NRXN1: variants seen among roughly 807,000 people sequenced by gnomAD.
The protein encoded by NRXN1 is neurexin-1.
Under a neutral mutation model 150.9 loss-of-function variants are expected in NRXN1, and 39 were observed. That is an observed-to-expected ratio of 0.26 (90% CI 0.20 to 0.34). The LOEUF (loss-of-function observed/expected upper bound fraction) is 0.34, where lower values mean the gene tolerates loss of function less well. Ranked by LOEUF, NRXN1 falls within the 10% of genes least tolerant of loss-of-function variation. NRXN1 has a pLI of 1.00. For synonymous variants in NRXN1, 924 were observed against 757.0 expected (o/e 1.22, Z -3.62); for missense variants, 1,815 against 1,949.9 (o/e 0.93, Z 1.30).
At chr2:50,694,648 G>T (rs929466488) in intron 5 of NRXN1, among the ~76,000 whole-genome samples, 25 of 152,216 alleles carry the variant, frequency 1.6e-4, no homozygotes, top group African/African-American at 5.5e-4. Context: ...GTAGGGAAAA[G>T]AAAATCAAAC....
At position 50,203,833 on chromosome 2, in the gene NRXN1, C is replaced by G. The variant is rs375965626; in HGVS notation, c.3546+32956G>C. 1.3e-4 allele frequency among the ~76,000 whole-genome samples: 20 copies of G among 152,150 alleles called. No individual in the cohort carries two copies. In the South Asian group the frequency reaches 3.5e-3, roughly 27 times the overall value. On this transcript the variant is annotated intron_variant, in intron 18 of 22. Transcript: ENST00000401669. ...TTTTTTCTTAGAGCTGAAAACTGTTCAACAGCTTTATCGTATTAAATTAGG... is the reference window on the plus strand; with the variant it reads ...TTTTTTCTTAGAGCTGAAAACTGTTGAACAGCTTTATCGTATTAAATTAGG...
intron 18 of NRXN1, among the ~76,000 whole-genome samples, chr2:50,209,101 T>C (rs1331665811): frequency 6.6e-6 from 1 of 152,120 alleles, no homozygotes; most frequent in African/African-American, 2.4e-5. Context: ...CACAAGGTTG[T>C]GAACTACTCT....
At chr2:50,272,464 T>G (rs1411451324) in intron 17 of NRXN1, among the ~76,000 whole-genome samples, 7 of 152,108 alleles carry the variant, frequency 4.6e-5, no homozygotes, top group Non-Finnish European at 1.0e-4. Context: ...TAGAAAAAAG[T>G]GGCAAACAGA....
intron 7 of NRXN1, 24 bp from the exon 8 acceptor site, chr2:50,620,207 G>T: frequency 6.2e-7 from 1 of 1,611,786 alleles, no homozygotes; most frequent in Admixed American, 1.7e-5. Context: ...CACAGGGAAA[G>T]GACACGCTAT....
chr2:50,449,490 G>C (rs1224209343), intron 17 of NRXN1, among the ~76,000 whole-genome samples: 1 of 152,146 alleles, frequency 6.6e-6, no homozygotes. Context: ...ATGTGCATAT[G>C]AATCATCTGG....
intron 2 of NRXN1, among the ~76,000 whole-genome samples, chr2:51,018,049 G>C (rs1439356229): frequency 6.6e-6 from 1 of 152,060 alleles, no homozygotes; most frequent in Non-Finnish European, 1.5e-5. Flanking sequence ...ATCTAGCAAT[G>C]TCTGAGTAAC....
intron 18 of NRXN1, among the ~76,000 whole-genome samples, chr2:50,128,646 A>C (rs1010874843): frequency 4.6e-5 from 7 of 152,038 alleles, no homozygotes; most frequent in Non-Finnish European, 8.8e-5. Context: ...AGAAAATATA[A>C]ATTGTTTAAA....
intron 17 of NRXN1, among the ~76,000 whole-genome samples, chr2:50,442,062 T>C (rs1034010189): frequency 3.3e-5 from 5 of 152,188 alleles, no homozygotes; most frequent in African/African-American, 9.7e-5. Context: ...TCACTGTGGC[T>C]ATACTGCATA....
At chr2:50,179,637 A>G (rs1479258427) in intron 18 of NRXN1, among the ~76,000 whole-genome samples, 1 of 152,214 alleles carries the variant, frequency 6.6e-6, no homozygotes, top group Non-Finnish European at 1.5e-5. Context: ...ATACCTCATT[A>G]TAACATGCTA....
chr2:50,745,040 G>T (rs916900959), intron 5 of NRXN1, among the ~76,000 whole-genome samples: 1 of 152,094 alleles, frequency 6.6e-6, no homozygotes, highest in Non-Finnish European at 1.5e-5. Context: ...GCGGCTGGAA[G>T]GCATGCACCA....
intron 5 of NRXN1, among the ~76,000 whole-genome samples, chr2:50,654,904 A>G (rs1012031816): frequency 6.6e-6 from 1 of 152,064 alleles, no homozygotes; most frequent in Non-Finnish European, 1.5e-5. Context: ...GGTTCAAACG[A>G]TGCTTAAACC....
rs1457358602 is a variant in NRXN1, at chr2:50,654,072, T to C, written c.833-30457A>G. ...TACTTTAAGTTTTAGGGTACATGTG[T>C]ACAACGTGCAGGTTTGTTACATATG... On this transcript the variant is annotated intron_variant, in intron 5 of 22. Transcript: ENST00000401669. Among the ~76,000 whole-genome samples, 4 of 150,964 alleles carry C rather than the reference T, an allele frequency of 2.6e-5. No individual in the cohort carries two copies. In the East Asian group the frequency reaches 7.9e-4, roughly 30 times the overall value.
intron 8 of NRXN1, among the ~76,000 whole-genome samples, chr2:50,608,350 G>A (rs565201558): frequency 6.6e-6 from 1 of 152,234 alleles, no homozygotes; most frequent in South Asian, 2.1e-4. Flanking sequence ...TTACTAAAAT[G>A]TAGACTCTTT....
chr2:50,531,742 C>A (rs1281859249), intron 10 of NRXN1, among the ~76,000 whole-genome samples: 1 of 152,068 alleles, frequency 6.6e-6, no homozygotes, highest in African/African-American at 2.4e-5. Context: ...TATATGCCCC[C>A]CTTCTCAAGA....
chr2:50,922,694 G>A lies in NRXN1; in HGVS notation c.791-7C>T, dbSNP rs775923255. On this transcript the variant is annotated splice_region_variant and splice_polypyrimidine_tract_variant and intron_variant, in intron 3 of 22. Coordinates refer to ENST00000401669, the MANE Select transcript of NRXN1 (RefSeq NM_001330078.2). ...ATCATCAGGTGCGCCAGACCTTGAA[G>A]GGAAACAAGAGCACAGTCAGCAATA... 3.7e-6 allele frequency: 6 copies of A among 1,610,230 alleles called. No homozygotes were observed. The East Asian group carries it at 9.0e-5, about 24-fold the overall frequency.
At chr2:50,664,843 G>T (rs1315104785) in intron 5 of NRXN1, among the ~76,000 whole-genome samples, 1 of 149,670 alleles carries the variant, frequency 6.7e-6, no homozygotes, top group African/African-American at 2.5e-5. Flanking sequence ...CAATAAAAAT[G>T]ACCTAATGCT....
chr2:50,970,716 A>AAC (rs1296819160), intron 2 of NRXN1, among the ~76,000 whole-genome samples: 1 of 152,068 alleles, frequency 6.6e-6, no homozygotes, highest in Non-Finnish European at 1.5e-5. Flanking sequence ...GAAAAAGTTA[A>AAC]ACAGAGGGTC....
chr2:50,349,768 C>G (rs868771943), intron 17 of NRXN1, among the ~76,000 whole-genome samples: 1 of 152,290 alleles, frequency 6.6e-6, no homozygotes, highest in South Asian at 2.1e-4. Flanking sequence ...TTCTCTCATA[C>G]AGGTCTAACA....
At chr2:50,598,513 T>C (rs901630306) in intron 8 of NRXN1, among the ~76,000 whole-genome samples, 2 of 151,308 alleles carry the variant, frequency 1.3e-5, no homozygotes, top group Non-Finnish European at 2.9e-5. Flanking sequence ...TTTATACACA[T>C]ACTTATAAGC....
Sources: allele counts gnomAD v4.1 joint callset (sites outside exome capture counted in the v4.1 genomes callset), GRCh38; gene constraint gnomAD v4.1.1; transcripts MANE v1.5; gene names NCBI Gene and HGNC (gene_info 2026-07-23, HGNC 2026-07-21).